The following MC2R variants were observed in gnomAD, a reference collection of about 807,000 sequenced individuals.
MC2R encodes the protein melanocortin 2 receptor.
A neutral mutation model predicts 9.8 loss-of-function variants in MC2R; 9 were observed. That is an observed-to-expected ratio of 0.92 (90% CI 0.55 to 1.60). The LOEUF (loss-of-function observed/expected upper bound fraction) is 1.60. Ranked by LOEUF, MC2R falls within the 40% of genes most tolerant of loss-of-function variation. The pLI, the probability that MC2R is intolerant of heterozygous loss-of-function variation, is 0.00. For synonymous variants in MC2R, 185 were observed against 154.7 expected, an observed-to-expected ratio of 1.20 and a Z score of -1.45; for missense variants, 370 against 389.0, an observed-to-expected ratio of 0.95 and a Z score of 0.41.
Position 13,885,593 on chromosome 18 carries a change from T to A in MC2R, c.-75A>T. 1 of 1,525,866 alleles carries A rather than the reference T, an allele frequency of 6.6e-7. No individual in the cohort carries two copies. Among genetic ancestry groups the A allele is most frequent in the Non-Finnish European group, 9.1e-7 (1 of 1,104,346 alleles). 94.5% of individuals were successfully genotyped at this position (1,525,866 alleles called of 1,614,324 possible). On this transcript the variant is annotated 5_prime_UTR_variant, in exon 2 of 2. Coordinates refer to ENST00000327606, the MANE Select transcript of MC2R (RefSeq NM_000529.2). ...GGAAAACTTGATTGATTCTTCAGGA[T>A]CTTTTCTTCCTTGTAGCACTTGCTG...
At chr18:13,912,056 T>C (rs1400675280) in intron 1 of MC2R, among the ~76,000 whole-genome samples, 1 of 152,284 alleles carries the variant, frequency 6.6e-6, no homozygotes, top group South Asian at 2.1e-4. Context: ...ATTCATTCTG[T>C]ACTGTGTTGG....
At chr18:13,897,400 C>T (rs757000523) in intron 1 of MC2R, among the ~76,000 whole-genome samples, 4 of 152,180 alleles carry the variant, frequency 2.6e-5, no homozygotes, top group Admixed American at 2.6e-4. Flanking sequence ...AGCTACAGTG[C>T]TGTCAGTCTC....
chr18:13,886,151 G>A (rs1353270136), intron 1 of MC2R, among the ~76,000 whole-genome samples: 1 of 152,154 alleles, frequency 6.6e-6, no homozygotes, highest in Non-Finnish European at 1.5e-5. Flanking sequence ...TACACTAAAA[G>A]CCCAGGCTTC....
chr18:13,906,619 GTTATACTTAGAAAAAC>G (rs2045416116), intron 1 of MC2R, among the ~76,000 whole-genome samples: 1 of 152,160 alleles, frequency 6.6e-6, no homozygotes, highest in African/African-American at 2.4e-5. Context: ...ATGACATGAT[GTTATACTTAGAAAAAC>G]TTAGACTCCA....
At chr18:13,896,566 T>A (rs116506875) in intron 1 of MC2R, among the ~76,000 whole-genome samples, 1 of 152,244 alleles carries the variant, frequency 6.6e-6, no homozygotes, top group Non-Finnish European at 1.5e-5. Flanking sequence ...CATCTATGAT[T>A]TATTTACATT....
At chr18:13,897,697 A>G (rs1382144894) in intron 1 of MC2R, among the ~76,000 whole-genome samples, 1 of 152,066 alleles carries the variant, frequency 6.6e-6, no homozygotes, top group Non-Finnish European at 1.5e-5. Flanking sequence ...ACAGCAAGAT[A>G]GGGCACTGGT....
At chr18:13,904,596 C>T (rs1271042732) in intron 1 of MC2R, among the ~76,000 whole-genome samples, 6 of 137,444 alleles carry the variant, frequency 4.4e-5, no homozygotes, top group African/African-American at 1.7e-4. Flanking sequence ...AAGTATCATG[C>T]TACCTGATTT....
At position 13,885,399 on chromosome 18, in the gene MC2R, C is replaced by A; in HGVS notation, c.120G>T (p.Leu40Phe). Reference sequence around the variant, plus strand: ...CAGCCAGCAGGACGATCAGATTCTCCAAAACTCCAACAATGGAAATTGTGA... The same window carrying A: ...CAGCCAGCAGGACGATCAGATTCTCAAAAACTCCAACAATGGAAATTGTGA... ...IFFTISIVGV[L>F]ENLIVLLAVF... The change falls in exon 2 of 2, where the codon TTG becomes TTT. Residue 40 changes from leucine (L) to phenylalanine (F), a missense_variant. Leu to Phe is a conservative substitution (Grantham distance 22). Transcript: ENST00000327606. 1 of 1,614,046 alleles carries A rather than the reference C, an allele frequency of 6.2e-7. No homozygotes were observed. The highest frequency in any genetic ancestry group is 8.5e-7 in the Non-Finnish European group (1 of 1,179,912).
At chr18:13,888,780 GA>G (rs558516504) in intron 1 of MC2R, among the ~76,000 whole-genome samples, 4 of 152,300 alleles carry the variant, frequency 2.6e-5, no homozygotes, top group Admixed American at 2.6e-4. Flanking sequence ...ATGACAATTA[GA>G]AGAAGCAAAA....
At chr18:13,908,666 A>G (rs948611233) in intron 1 of MC2R, among the ~76,000 whole-genome samples, 11 of 148,464 alleles carry the variant, frequency 7.4e-5, no homozygotes, top group African/African-American at 2.8e-4. Context: ...ACATACATAT[A>G]CCAGTTTATA....
rs1358592487 is a variant in MC2R at position 13,883,730 on chromosome 18, A to ATC, written c.*894_*895insGA. The ATC allele has an allele frequency of 1.3e-5, 1 of 77,424 alleles. No individual in the cohort carries two copies. The highest frequency in any genetic ancestry group is 2.9e-4 in the South Asian group (1 of 3,470). 4.8% of individuals were successfully genotyped at this position (77,424 alleles called of 1,614,324 possible). A position where few individuals can be genotyped will look rare whatever the true frequency, so the allele number is the denominator to read the frequency against. On this transcript the variant is annotated 3_prime_UTR_variant, in exon 2 of 2. Coordinates refer to ENST00000327606, the MANE Select transcript of MC2R (RefSeq NM_000529.2). ...CTCTTTTCTTGTACTTCTACATTGT[A>ATC]ACACACATAGTTTGGTTACAGCTTC...
At chr18:13,913,775 A>G (rs59069764) in intron 1 of MC2R, among the ~76,000 whole-genome samples, 13,425 of 152,212 alleles carry the variant, frequency 0.088, 1,946 homozygotes, top group African/African-American at 0.3. Flanking sequence ...AAGGGAGCCC[A>G]GGATTGCTGC....
chr18:13,890,354 G>A (rs2149136846), intron 1 of MC2R, among the ~76,000 whole-genome samples: 1 of 152,312 alleles, frequency 6.6e-6, no homozygotes, highest in Non-Finnish European at 1.5e-5. Flanking sequence ...TGTTTTCTCG[G>A]ATTGCTCTTC....
chr18:13,894,711 A>G (rs1173686886), intron 1 of MC2R, among the ~76,000 whole-genome samples: 2 of 150,798 alleles, frequency 1.3e-5, no homozygotes, highest in Non-Finnish European at 3.0e-5. Context: ...CCTGTGTAGA[A>G]CACGCATTCC....
intron 1 of MC2R, among the ~76,000 whole-genome samples, chr18:13,908,879 A>G (rs2045428987): frequency 6.6e-6 from 1 of 152,150 alleles, no homozygotes; most frequent in Admixed American, 6.5e-5. Flanking sequence ...AAAGTTGCAA[A>G]GATAGTAGAG....
intron 1 of MC2R, among the ~76,000 whole-genome samples, chr18:13,891,537 A>T (rs1466985158): frequency 6.6e-6 from 1 of 152,202 alleles, no homozygotes; most frequent in Non-Finnish European, 1.5e-5. Flanking sequence ...TGACATCCTC[A>T]CCAGCAATGC....
intron 1 of MC2R, among the ~76,000 whole-genome samples, chr18:13,893,622 C>G (rs2045329794): frequency 6.6e-6 from 1 of 152,198 alleles, no homozygotes; most frequent in African/African-American, 2.4e-5. Flanking sequence ...GCCGGCCCAG[C>G]TGTCGCCTGT....
intron 1 of MC2R, among the ~76,000 whole-genome samples, chr18:13,905,694 C>T (rs549531899): frequency 4.6e-5 from 7 of 152,156 alleles, no homozygotes; most frequent in Non-Finnish European, 1.0e-4. Context: ...ATGGTGATTC[C>T]TCAAGGATCT....
chr18:13,889,857 T>C (rs2045304895), intron 1 of MC2R, among the ~76,000 whole-genome samples: 1 of 152,112 alleles, frequency 6.6e-6, no homozygotes, highest in South Asian at 2.1e-4. Context: ...TCCTATTCTC[T>C]CTGACTCACC....
Sources: gnomAD v4.1 joint callset for allele counts (sites outside exome capture counted in the v4.1 genomes callset) on GRCh38, gnomAD v4.1.1 for gene constraint, MANE v1.5 for transcripts, NCBI Gene and HGNC (gene_info 2026-07-23, HGNC 2026-07-21) for gene names.